The following CUX2 variants were observed in gnomAD, a reference collection of about 807,000 sequenced individuals.
CUX2 encodes homeobox protein cut-like 2.
Under a neutral mutation model 144.8 loss-of-function variants are expected in CUX2, and 40 were observed. That is an observed-to-expected ratio of 0.28 (90% confidence interval 0.21 to 0.36). The LOEUF is 0.36. Among genes scored for constraint, CUX2 ranks in the 10% least tolerant of loss-of-function variants. The pLI, the probability that CUX2 is intolerant of heterozygous loss-of-function variation, is 1.00. For missense variants in CUX2, 1,615 were observed against 1,994.0 expected (o/e 0.81, Z 3.62); for synonymous variants, 827 against 875.6 (o/e 0.94, Z 0.98).
At position 111,293,650 on chromosome 12, in the gene CUX2, G is replaced by A; in HGVS notation, c.560+81G>A. On this transcript the variant is annotated intron_variant, in intron 6 of 21. Coordinates refer to ENST00000261726, the MANE Select transcript of CUX2 (RefSeq NM_015267.4). The surrounding 1 kb of genome is among the most constrained non-coding windows in gnomAD (Gnocchi z 4.5). Reference sequence around the variant, plus strand: ...CCCACCTGGCTGGGTCGTGGACGGGGAAAGTCTCCTACCAGAATCCAGATG... The same window carrying A: ...CCCACCTGGCTGGGTCGTGGACGGGAAAAGTCTCCTACCAGAATCCAGATG... 6.7e-7 allele frequency: 1 copy of A among 1,498,124 alleles called. No individual in the cohort carries two copies. The allele number at this position is 1,498,124 out of a possible 1,614,324, so 92.8% of individuals were successfully genotyped here. A position where few individuals can be genotyped will look rare whatever the true frequency, so the allele number is the denominator to read the frequency against.
intron 1 of CUX2, among the ~76,000 whole-genome samples, chr12:111,046,207 G>C (rs1356632260): frequency 6.6e-6 from 1 of 152,228 alleles, no homozygotes; most frequent in Non-Finnish European, 1.5e-5. Context: ...AGGAGGTCAG[G>C]CCTCCCTGCA....
rs994102934 is a variant in CUX2, at chr12:111,037,814, T to C, written c.63+3574T>C. Among the ~76,000 whole-genome samples the C allele has an allele frequency of 7.2e-5, 11 of 152,140 alleles. No homozygotes were observed. The highest frequency in any genetic ancestry group is 7.4e-5 in the Non-Finnish European group (5 of 68,026). ...TTTTTACCATGCTCTGGGTCCAGTC[T>C]CCCATGCTGTCTTCCCTGACTCCAA... On this transcript the variant is annotated intron_variant, in intron 1 of 21. Coordinates refer to ENST00000261726, the MANE Select transcript of CUX2 (RefSeq NM_015267.4). This position sits in a 1 kb window ranked among gnomAD's most constrained non-coding sequence, Gnocchi z 5.4.
rs76820824 is a variant in CUX2, at chr12:111,112,384, G to A, written c.63+78144G>A. 7.9e-3 allele frequency among the ~76,000 whole-genome samples: 1,196 copies of A among 152,350 alleles called. 20 individuals carry two copies. Among genetic ancestry groups the A allele is most frequent in the African/African-American group, 0.027 (1,138 of 41,578 alleles). ...GGAATTAGTGAACCACCTTCTTACAGTGCAGAAATCAATGTTTGCTGCATT... is the reference window on the plus strand; with the variant it reads ...GGAATTAGTGAACCACCTTCTTACAATGCAGAAATCAATGTTTGCTGCATT... On this transcript the variant is annotated intron_variant, in intron 1 of 21. Coordinates refer to ENST00000261726, the MANE Select transcript of CUX2 (RefSeq NM_015267.4).
At chr12:111,150,912 C>T (rs1157439387) in intron 1 of CUX2, among the ~76,000 whole-genome samples, 1 of 152,174 alleles carries the variant, frequency 6.6e-6, no homozygotes, top group Non-Finnish European at 1.5e-5. Context: ...GAAACCCCCC[C>T]AGCCTCCTGA....
rs749115634 is a variant in CUX2 at position 111,295,329 on chromosome 12, G to A, written c.561-4G>A. 3.2e-5 allele frequency: 52 copies of A among 1,611,994 alleles called. No individual in the cohort carries two copies. The highest frequency in any genetic ancestry group is 2.5e-4 in the East Asian group (11 of 44,764). On this transcript the variant is annotated splice_region_variant and splice_polypyrimidine_tract_variant and intron_variant, in intron 6 of 21. Transcript: ENST00000261726. The surrounding 1 kb of genome is among the most constrained non-coding windows in gnomAD (Gnocchi z 5.0). ...CAGCACAAGCAGGCCTCGTCTCTCC[G>A]CAGGGGCCTTCAAGAAGTACAGATC...
At position 111,129,986 on chromosome 12, in the gene CUX2, C is replaced by T. The variant is rs187826674; in HGVS notation, c.64-84214C>T. Among the ~76,000 whole-genome samples the T allele has an allele frequency of 1.3e-4, 20 of 152,298 alleles. No individual in the cohort carries two copies. In the East Asian group the frequency reaches 3.3e-3, roughly 25 times the overall value. On this transcript the variant is annotated intron_variant, in intron 1 of 21. Coordinates refer to ENST00000261726, the MANE Select transcript of CUX2 (RefSeq NM_015267.4). ...AGCCCCTACTCTGACTGGAGGGCTACGGTGACATTTTGGGTCTCCTGGAAT... is the reference window on the plus strand; with the variant it reads ...AGCCCCTACTCTGACTGGAGGGCTATGGTGACATTTTGGGTCTCCTGGAAT...
rs761729328 is a variant in CUX2 at position 111,320,298 on chromosome 12, C to G, written c.2289C>G (p.Ser763=). The G allele has an allele frequency of 6.3e-7, 1 of 1,597,426 alleles. No homozygotes were observed. Among genetic ancestry groups the G allele is most frequent in the Non-Finnish European group, 8.5e-7 (1 of 1,178,916 alleles). ...CGCAGGCGCCGCTCCCGGTCCTGTC[C>G]CCCGCCGCCTTCGTGCAGAGCATCA... ...GPAQAPLPVL[S]PAAFVQSIIR... Residue 763 remains serine, a synonymous_variant, in exon 17 of 22, where the codon TCC becomes TCG. Coordinates refer to ENST00000261726, the MANE Select transcript of CUX2 (RefSeq NM_015267.4). The surrounding 1 kb of genome is among the most constrained non-coding windows in gnomAD (Gnocchi z 8.1).
intron 3 of CUX2, among the ~76,000 whole-genome samples, chr12:111,234,092 A>G (rs552260024): frequency 1.8e-4 from 27 of 152,364 alleles, no homozygotes; most frequent in African/African-American, 6.3e-4. Flanking sequence ...TTTCAAGGCT[A>G]TAGTCTAACA....
chr12:111,296,565 C>T (rs1886006119), intron 8 of CUX2, 26 bp downstream of exon 8: 1 of 1,598,566 alleles, frequency 6.3e-7, no homozygotes, highest in Admixed American at 1.7e-5. Flanking sequence ...TGAGGTGTAC[C>T]TCCTCCCTTG....
chr12:111,228,966 G>A (rs1882322315), intron 3 of CUX2, among the ~76,000 whole-genome samples: 1 of 152,156 alleles, frequency 6.6e-6, no homozygotes, highest in South Asian at 2.1e-4. Flanking sequence ...TTTGTACCAA[G>A]TGAGAACAGA....
intron 1 of CUX2, among the ~76,000 whole-genome samples, chr12:111,146,718 T>C (rs1462294664): frequency 6.6e-6 from 1 of 152,224 alleles, no homozygotes; most frequent in African/African-American, 2.4e-5. Context: ...ATCAGAGTTT[T>C]GGTCCCAGAG....
intron 3 of CUX2, among the ~76,000 whole-genome samples, chr12:111,227,396 C>G (rs76626841): frequency 0.018 from 2,678 of 152,174 alleles, 75 homozygotes; most frequent in African/African-American, 0.061. Flanking sequence ...CCTCAGTTTC[C>G]TTGTCTGTAA....
intron 1 of CUX2, among the ~76,000 whole-genome samples, chr12:111,133,280 C>T (rs1875621366): frequency 6.6e-6 from 1 of 152,190 alleles, no homozygotes; most frequent in African/African-American, 2.4e-5. Flanking sequence ...ACACCCCACT[C>T]TACTGGTACC....
In CUX2 at chr12:111,287,743, G is replaced by T. The variant is rs1387291258; in HGVS notation, c.302-3675G>T. Among the ~76,000 whole-genome samples, 1 of 152,248 alleles carries T rather than the reference G, an allele frequency of 6.6e-6. No homozygotes were observed. Among genetic ancestry groups the T allele is most frequent in the Non-Finnish European group, 1.5e-5 (1 of 68,046 alleles). ...CCCGCGCACCTGCTTACCTCGGCAT[G>T]GACGCCCATTGTCCAAGCCCCTGCC... is the stretch of plus-strand genomic sequence containing the variant. On this transcript the variant is annotated intron_variant, in intron 4 of 21. Transcript: ENST00000261726. The surrounding 1 kb of genome is among the most constrained non-coding windows in gnomAD (Gnocchi z 4.2).
intron 1 of CUX2, among the ~76,000 whole-genome samples, chr12:111,083,803 G>A (rs1383218519): frequency 1.3e-5 from 2 of 152,158 alleles, no homozygotes; most frequent in Non-Finnish European, 2.9e-5. Context: ...GGCTGGCAGG[G>A]AGATTGGGAG....
At chr12:111,321,978 T>C (rs374691923) in intron 17 of CUX2, among the ~76,000 whole-genome samples, 2 of 151,436 alleles carry the variant, frequency 1.3e-5, no homozygotes, top group African/African-American at 4.9e-5. Context: ...GGCAGGCACC[T>C]ATGAGGAACA....
At chr12:111,052,975 AC>A (rs940312625) in intron 1 of CUX2, among the ~76,000 whole-genome samples, 16 of 127,896 alleles carry the variant, frequency 1.3e-4, no homozygotes, top group Non-Finnish European at 1.7e-5. Context: ...CCCCACCCCC[AC>A]CTTCATCCCT....
In CUX2 at chr12:111,035,637, CG is replaced by C. The variant is rs1393913261; in HGVS notation, c.63+1399del. Among the ~76,000 whole-genome samples, 4 of 144,382 alleles carry C rather than the reference CG, an allele frequency of 2.8e-5. No individual in the cohort carries two copies. The East Asian group carries it at 7.8e-4, about 28-fold the overall frequency. 94.7% of individuals were successfully genotyped at this position (144,382 alleles called of 152,430 possible). A position where few individuals can be genotyped will look rare whatever the true frequency, so the allele number is the denominator to read the frequency against. ...ACTTTTTTTTTTTTTTTTAATCCGC[CG>C]GCAAATCTCGTTAAGTTTCTTCTGA... On this transcript the variant is annotated intron_variant, in intron 1 of 21. Transcript: ENST00000261726. This position sits in a 1 kb window ranked among gnomAD's most constrained non-coding sequence, Gnocchi z 6.0.
chr12:111,112,490 TG>T (rs1319166597), intron 1 of CUX2, among the ~76,000 whole-genome samples: 1 of 152,118 alleles, frequency 6.6e-6, no homozygotes, highest in African/African-American at 2.4e-5. Flanking sequence ...AGCGGCGTTC[TG>T]GGGCTTTTGC....
Sources: gnomAD v4.1 joint callset for allele counts (sites outside exome capture counted in the v4.1 genomes callset) on GRCh38, gnomAD v4.1.1 for gene constraint, Gnocchi (gnomAD v3.1) non-coding constraint, MANE v1.5 for transcripts, NCBI Gene and HGNC (gene_info 2026-07-23, HGNC 2026-07-21) for gene names.